The following SHOC1 variants were observed in gnomAD, a reference collection of about 807,000 sequenced individuals.
The protein encoded by SHOC1 is shortage in chiasmata 1.
In SHOC1, 136 loss-of-function variants were observed where a neutral mutation model predicts 179.2. That is an observed-to-expected ratio of 0.76 (90% confidence interval 0.66 to 0.87). The LOEUF is 0.87. Among genes scored for constraint, SHOC1 ranks in the 40% least tolerant of loss-of-function variants. The probability of loss-of-function intolerance (pLI) is 0.00; values close to 1 mark genes in which losing one functional copy is unlikely to be tolerated. For missense variants in SHOC1, 1,538 were observed against 1,700.8 expected, an observed-to-expected ratio of 0.90 and a Z score of 1.68; for synonymous variants, 489 against 586.6, an observed-to-expected ratio of 0.83 and a Z score of 2.41.
intron 12 of SHOC1, among the ~76,000 whole-genome samples, chr9:111,733,141 C>T (rs946179105): frequency 6.6e-6 from 1 of 151,990 alleles, no homozygotes; most frequent in African/African-American, 2.4e-5. Context: ...GTAAATTATA[C>T]TTCATAAAAT....
At position 111,727,661 on chromosome 9, in the gene SHOC1, A is replaced by G; in HGVS notation, c.1806T>C (p.Thr602=). The G allele has an allele frequency of 3.8e-6, 6 of 1,589,828 alleles. No individual in the cohort carries two copies. Among genetic ancestry groups the G allele is most frequent in the Non-Finnish European group, 5.1e-6 (6 of 1,171,532 alleles). The change falls in exon 13 of 28, where the codon ACT becomes ACC. Residue 602 remains threonine, a synonymous_variant. Transcript: ENST00000682961. ...GTTTTTCATCACTGTTTGTGACTTC[A>G]GTCTTTGAGGTGCAAGTCTTATATT... ...RNKYKTCTSK[T]EVTNSDEKHD...
chr9:111,782,766 G>T (rs1477135800), intron 3 of SHOC1, among the ~76,000 whole-genome samples: 1 of 151,732 alleles, frequency 6.6e-6, no homozygotes, highest in Non-Finnish European at 1.5e-5. Context: ...TGGCTTTCTT[G>T]CTCTTTAAGA....
Position 111,758,707 on chromosome 9 carries a change from G to T in SHOC1, c.584C>A (p.Ala195Asp), listed in dbSNP as rs1191569763. 1 of 1,575,694 alleles carries T rather than the reference G, an allele frequency of 6.3e-7. No individual in the cohort carries two copies. The highest frequency in any genetic ancestry group is 8.6e-7 in the Non-Finnish European group (1 of 1,169,120). Reference protein sequence around the residue: ...LDFKGQIFTEANFSRECFSLQ... With the variant: ...LDFKGQIFTEDNFSRECFSLQ... ...ATTAAGTAAGTACCTGGAAAAATTA[G>T]CTTCTGTGAAGATCTGTCCTTTGAA... The change falls in exon 6 of 28, where the codon GCT (alanine) becomes GAT (aspartate). Residue 195 changes from alanine to aspartate, a missense_variant. Transcript: ENST00000682961.
intron 5 of SHOC1, among the ~76,000 whole-genome samples, chr9:111,761,774 T>C (rs1835150343): frequency 6.6e-6 from 1 of 152,180 alleles, no homozygotes; most frequent in South Asian, 2.1e-4. Context: ...CCAGTAATTC[T>C]ATTAATTTAC....
At chr9:111,720,235 T>C (rs1832975515) in intron 15 of SHOC1, among the ~76,000 whole-genome samples, 1 of 152,256 alleles carries the variant, frequency 6.6e-6, no homozygotes, top group Non-Finnish European at 1.5e-5. Context: ...TTGTCTAATA[T>C]AGAAAACTAG....
intron 11 of SHOC1, 25 bp from the exon 12 acceptor site, chr9:111,738,547 A>T: frequency 6.6e-7 from 1 of 1,507,022 alleles, no homozygotes; most frequent in African/African-American, 1.4e-5. Flanking sequence ...AAAAACAAAT[A>T]GTTAGAAACA....
intron 3 of SHOC1, among the ~76,000 whole-genome samples, chr9:111,782,495 C>G (rs1234313161): frequency 1.3e-5 from 2 of 152,086 alleles, no homozygotes; most frequent in East Asian, 3.9e-4. Context: ...GATTCTCTTG[C>G]CTCTCTTTCT....
intron 15 of SHOC1, among the ~76,000 whole-genome samples, chr9:111,719,872 C>T (rs1358227688): frequency 6.6e-6 from 1 of 151,984 alleles, no homozygotes; most frequent in Admixed American, 6.6e-5. Context: ...AGAGAGTTAA[C>T]CTTTAAAAAA....
At chr9:111,769,935 G>A (rs1835496835) in intron 5 of SHOC1, among the ~76,000 whole-genome samples, 1 of 128,630 alleles carries the variant, frequency 7.8e-6, no homozygotes, top group South Asian at 2.4e-4. Flanking sequence ...ATTCAGGTTT[G>A]TGCTCTTCCT....
chr9:111,793,803 G>C (rs573548063), intron 1 of SHOC1, among the ~76,000 whole-genome samples: 1 of 152,072 alleles, frequency 6.6e-6, no homozygotes, highest in Non-Finnish European at 1.5e-5. Context: ...CACAAGGCCA[G>C]GAAGTAAGCT....
At chr9:111,758,912 G>C (rs563346078) in intron 5 of SHOC1, 64 bp from the exon 6 acceptor site, 28 of 1,004,388 alleles carry the variant, frequency 2.8e-5, no homozygotes, top group Non-Finnish European at 3.5e-5. Flanking sequence ...AAGAGATCTA[G>C]ATAGTTAATG....
intron 17 of SHOC1, among the ~76,000 whole-genome samples, 157 bp from the exon 18 acceptor site, chr9:111,713,329 A>C (rs916721304): frequency 6.6e-6 from 1 of 152,172 alleles, no homozygotes; most frequent in Admixed American, 6.5e-5. Context: ...TCAATACTTA[A>C]ACTCAAGGAA....
chr9:111,697,173 C>A (rs1831736074), intron 24 of SHOC1, among the ~76,000 whole-genome samples: 1 of 149,076 alleles, frequency 6.7e-6, no homozygotes, highest in Admixed American at 6.7e-5. Context: ...AGGATTGGGG[C>A]AGGTTTCTTT....
intron 5 of SHOC1, among the ~76,000 whole-genome samples, chr9:111,769,986 G>GTTTTTT (rs769266659): frequency 6.6e-4 from 51 of 77,558 alleles, no homozygotes; most frequent in Middle Eastern, 7.4e-3. Context: ...TTTTTTTTTT[G>GTTTTTT]TTTTTTTTTT....
chr9:111,762,553 T>C (rs1302870638), intron 5 of SHOC1, among the ~76,000 whole-genome samples: 1 of 152,172 alleles, frequency 6.6e-6, no homozygotes, highest in Non-Finnish European at 1.5e-5. Context: ...ATCACAATAG[T>C]AAAACAATTT....
intron 3 of SHOC1, 26 bp from the exon 4 acceptor site, chr9:111,781,043 A>G: frequency 6.6e-7 from 1 of 1,520,016 alleles, no homozygotes; most frequent in Non-Finnish European, 9.0e-7. Context: ...GTTAACATTA[A>G]TGTCTAGAAT....
intron 5 of SHOC1, among the ~76,000 whole-genome samples, chr9:111,770,685 T>C (rs753651716): frequency 4.6e-5 from 7 of 152,150 alleles, no homozygotes; most frequent in Admixed American, 2.6e-4. Flanking sequence ...TAGATATTAA[T>C]GTTTGCTTTA....
chr9:111,763,749 G>T (rs2131584625), intron 5 of SHOC1, among the ~76,000 whole-genome samples: 1 of 152,260 alleles, frequency 6.6e-6, no homozygotes, highest in South Asian at 2.1e-4. Context: ...ATACAAGAAA[G>T]AAGTGAACAG....
At chr9:111,749,288 A>G (rs1267694027) in intron 8 of SHOC1, among the ~76,000 whole-genome samples, 1 of 152,162 alleles carries the variant, frequency 6.6e-6, no homozygotes, top group Non-Finnish European at 1.5e-5. Context: ...TGAATCAGAC[A>G]TATGGTCATT....
Sources: allele counts gnomAD v4.1 joint callset (sites outside exome capture counted in the v4.1 genomes callset), GRCh38; gene constraint gnomAD v4.1.1; transcripts MANE v1.5; gene names NCBI Gene and HGNC (gene_info 2026-07-23, HGNC 2026-07-21).